The following LCORL variants were observed in gnomAD, a reference collection of about 807,000 sequenced individuals.
The protein encoded by LCORL is ligand dependent nuclear receptor corepressor like, also known as ligand-dependent nuclear receptor corepressor-like protein.
LCORL carries 41 observed loss-of-function variants against 141.8 expected under a neutral mutation model. That is an observed-to-expected ratio of 0.29 (90% CI 0.23 to 0.38). The LOEUF is 0.38. LCORL is among the 10% of genes least tolerant of loss of function. LCORL has a pLI of 1.00. For missense variants in LCORL, 1,759 were observed against 2,035.0 expected (o/e 0.86, Z 2.61); for synonymous variants, 618 against 694.1 (o/e 0.89, Z 1.72).
In LCORL at chr4:17,957,381, A is replaced by G. The variant is rs546538526; in HGVS notation, c.430+4522T>C. 3.9e-5 allele frequency among the ~76,000 whole-genome samples: 6 copies of G among 152,114 alleles called. No homozygotes were observed. The South Asian group carries it at 1.2e-3, about 32-fold the overall frequency. ...CTACAAAAGCATCCTTTATGAACAC[A>G]TAAGTTTCAATTAGAGCAATAAAGA... On this transcript the variant is annotated intron_variant, in intron 4 of 7. Transcript: ENST00000635767.
intron 4 of LCORL, among the ~76,000 whole-genome samples, chr4:17,936,316 T>C (rs991858904): frequency 6.7e-6 from 1 of 148,962 alleles, no homozygotes; most frequent in South Asian, 2.1e-4. Flanking sequence ...ACTAGAATTT[T>C]GGAACTACCA....
At chr4:17,875,497 T>A in exon 7 of LCORL, 1 of 1,230,890 alleles carries the variant, frequency 8.1e-7, no homozygotes, top group Non-Finnish European at 1.0e-6. Flanking sequence ...GACATAAGGT[T>A]GCTTATGTTT....
chr4:17,878,684 C>G (rs1246658843), intron 6 of LCORL, among the ~76,000 whole-genome samples: 1 of 151,058 alleles, frequency 6.6e-6, no homozygotes, highest in Admixed American at 6.6e-5. Flanking sequence ...TAAAAGCTTT[C>G]CATAATCACA....
At chr4:17,892,922 T>C (rs924409904) in intron 5 of LCORL, among the ~76,000 whole-genome samples, 1 of 152,224 alleles carries the variant, frequency 6.6e-6, no homozygotes, top group African/African-American at 2.4e-5. Context: ...AATATATTAT[T>C]TAAAACATGG....
chr4:17,949,842 A>G lies in LCORL; in HGVS notation c.430+12061T>C, dbSNP rs573519918. On this transcript the variant is annotated intron_variant, in intron 4 of 7. Transcript: ENST00000635767. ...GGGGTTTGAGAAACTTAAGAACTGT[A>G]CAAACTACATAATTTGAGGATCACA... is the stretch of plus-strand genomic sequence containing the variant. Among the ~76,000 whole-genome samples, 4 of 152,276 alleles carry G rather than the reference A, an allele frequency of 2.6e-5. No individual in the cohort carries two copies. The East Asian group carries it at 7.7e-4, about 29-fold the overall frequency.
chr4:17,936,769 C>T (rs571014627), intron 4 of LCORL, among the ~76,000 whole-genome samples: 246 of 152,234 alleles, frequency 1.6e-3, no homozygotes, highest in African/African-American at 5.2e-3. Flanking sequence ...TTCTATCCTT[C>T]CCTCCCCTTC....
At chr4:17,886,955 T>C (rs1465665803) in intron 5 of LCORL, among the ~76,000 whole-genome samples, 4 of 152,120 alleles carry the variant, frequency 2.6e-5, no homozygotes, top group Admixed American at 2.0e-4. Context: ...AATGTTTTTA[T>C]TGTTAGCTAA....
At chr4:17,901,106 A>C (rs1730796773) in intron 5 of LCORL, among the ~76,000 whole-genome samples, 1 of 152,074 alleles carries the variant, frequency 6.6e-6, no homozygotes, top group African/African-American at 2.4e-5. Context: ...TAAGGACAGA[A>C]CATTATTCTA....
chr4:17,948,487 A>G (rs1355095212), intron 4 of LCORL, among the ~76,000 whole-genome samples: 1 of 152,088 alleles, frequency 6.6e-6, no homozygotes, highest in African/African-American at 2.4e-5. Flanking sequence ...AGGAATAACT[A>G]AAATTTTCCA....
chr4:18,020,922 A>G (rs1454138868), intron 1 of LCORL, among the ~76,000 whole-genome samples: 1 of 152,220 alleles, frequency 6.6e-6, no homozygotes, highest in Admixed American at 6.5e-5. Flanking sequence ...CCCAACCGTC[A>G]GCGCTCAAGC....
intron 5 of LCORL, among the ~76,000 whole-genome samples, chr4:17,898,813 T>C (rs1439890431): frequency 1.3e-5 from 2 of 152,190 alleles, no homozygotes; most frequent in African/African-American, 2.4e-5. Context: ...TCCATATTTG[T>C]GCAGGTGTAA....
chr4:17,870,806 T>G (rs1231375743), intron 7 of LCORL, among the ~76,000 whole-genome samples: 1 of 152,186 alleles, frequency 6.6e-6, no homozygotes, highest in African/African-American at 2.4e-5. Context: ...AAGAATAGAA[T>G]GGGATTGCAT....
chr4:17,955,997 C>T (rs1001134784), intron 4 of LCORL, among the ~76,000 whole-genome samples: 3 of 151,968 alleles, frequency 2.0e-5, no homozygotes, highest in African/African-American at 4.8e-5. Flanking sequence ...GGGCAAATGA[C>T]CTGAATAGAC....
At chr4:17,954,134 G>A (rs1396921007) in intron 4 of LCORL, among the ~76,000 whole-genome samples, 1 of 152,172 alleles carries the variant, frequency 6.6e-6, no homozygotes, top group African/African-American at 2.4e-5. Flanking sequence ...CTGCACTCCA[G>A]CCTGGGCAAC....
intron 5 of LCORL, among the ~76,000 whole-genome samples, chr4:17,907,308 AGTTT>A (rs1291403675): frequency 6.6e-6 from 1 of 152,196 alleles, no homozygotes; most frequent in African/African-American, 2.4e-5. Context: ...ATCTTTCATG[AGTTT>A]GTTACTAAAT....
At chr4:18,000,989 A>C (rs1721856548) in intron 1 of LCORL, among the ~76,000 whole-genome samples, 1 of 152,234 alleles carries the variant, frequency 6.6e-6, no homozygotes. Flanking sequence ...GCAAAAGCCC[A>C]CAGGCATAGT....
intron 4 of LCORL, among the ~76,000 whole-genome samples, chr4:17,953,954 G>A (rs1712013020): frequency 6.6e-6 from 1 of 152,138 alleles, no homozygotes; most frequent in South Asian, 2.1e-4. Flanking sequence ...ACGAGGTCAG[G>A]AGATCGAGAC....
chr4:17,950,886 A>C (rs961666271), intron 4 of LCORL, among the ~76,000 whole-genome samples: 3 of 152,230 alleles, frequency 2.0e-5, no homozygotes, highest in Non-Finnish European at 4.4e-5. Context: ...CACATTAAAA[A>C]ATTAAACTAC....
intron 5 of LCORL, among the ~76,000 whole-genome samples, chr4:17,898,277 T>C (rs1730301939): frequency 6.6e-6 from 1 of 152,218 alleles, no homozygotes; most frequent in South Asian, 2.1e-4. Context: ...GTAAAATCAC[T>C]TGATATAATT....
Sources: gnomAD v4.1 joint callset for allele counts (sites outside exome capture counted in the v4.1 genomes callset) on GRCh38, gnomAD v4.1.1 for gene constraint, MANE v1.5 for transcripts, NCBI Gene and HGNC (gene_info 2026-07-23, HGNC 2026-07-21) for gene names.